The following MTUS1 variants were observed in gnomAD, a reference collection of about 807,000 sequenced individuals.
MTUS1 encodes microtubule-associated tumor suppressor 1.
MTUS1 carries 109 observed loss-of-function variants against 120.8 expected under a neutral mutation model. The ratio of observed to expected loss-of-function variants is 0.90; its 90% CI spans 0.77 to 1.06. The LOEUF is 1.06. Among genes scored for constraint, MTUS1 ranks in the 50% least tolerant of loss-of-function variants. The pLI, the probability that MTUS1 is intolerant of heterozygous loss-of-function variation, is 0.00. For missense variants in MTUS1, 2,210 were observed against 1,486.3 expected, an observed-to-expected ratio of 1.49 and a Z score of -8.01; for synonymous variants, 737 against 550.5, an observed-to-expected ratio of 1.34 and a Z score of -4.74.
rs1459748736 is a variant in MTUS1, at chr8:17,723,686, G to A, written c.2435C>T (p.Thr812Ile). ...AGTCGACTTACAATTGTTGCTGTAA[G>A]TGCTCAGCTCACTGTGGGTGCTGGC... is the stretch of plus-strand genomic sequence containing the variant. ...SIASTHSELSTYSNNSGNAAV... is the reference protein window; with the variant it reads ...SIASTHSELSIYSNNSGNAAV... Residue 812 changes from threonine to isoleucine, a missense_variant, in exon 4 of 15, where the codon ACT becomes ATT. By Grantham distance (89) the Thr-to-Ile change is moderately conservative. Transcript: ENST00000693296. 1 of 1,610,534 alleles carries A rather than the reference G, an allele frequency of 6.2e-7. No homozygotes were observed. The highest frequency in any genetic ancestry group is 8.5e-7 in the Non-Finnish European group (1 of 1,177,518).
chr8:17,726,657 T>C (rs2046248303), intron 3 of MTUS1, among the ~76,000 whole-genome samples: 1 of 152,226 alleles, frequency 6.6e-6, no homozygotes, highest in African/African-American at 2.4e-5. Context: ...TTACATCCTT[T>C]ACAATAATTA....
chr8:17,743,527 G>A (rs1044675472), intron 3 of MTUS1, 77 bp downstream of exon 3: 13 of 1,345,950 alleles, frequency 9.7e-6, no homozygotes, highest in Non-Finnish European at 7.2e-6. Flanking sequence ...AGTGACAGAA[G>A]GCATTAGACC....
intron 6 of MTUS1, among the ~76,000 whole-genome samples, chr8:17,686,507 T>C (rs1472902787): frequency 6.6e-6 from 1 of 152,176 alleles, no homozygotes; most frequent in African/African-American, 2.4e-5. Flanking sequence ...CTGATATCAT[T>C]TGTATATGTC....
intron 13 of MTUS1, among the ~76,000 whole-genome samples, chr8:17,648,526 G>C (rs999007859): frequency 6.6e-6 from 1 of 152,156 alleles, no homozygotes; most frequent in African/African-American, 2.4e-5. Flanking sequence ...AGACTCAGTC[G>C]AACAGGACGA....
chr8:17,780,454 G>C (rs1430301860), intron 1 of MTUS1, among the ~76,000 whole-genome samples: 2 of 152,150 alleles, frequency 1.3e-5, no homozygotes, highest in East Asian at 3.9e-4. Flanking sequence ...AGGGAACTCT[G>C]GGCTTCCAGA....
At chr8:17,781,535 T>C (rs185193922) in intron 1 of MTUS1, among the ~76,000 whole-genome samples, 5 of 152,230 alleles carry the variant, frequency 3.3e-5, no homozygotes, top group African/African-American at 1.2e-4. Flanking sequence ...TCTTACAAAT[T>C]AGAATTATCC....
At chr8:17,662,882 A>T (rs1220282935) in intron 8 of MTUS1, among the ~76,000 whole-genome samples, 4 of 151,600 alleles carry the variant, frequency 2.6e-5, no homozygotes, top group Non-Finnish European at 5.9e-5. Context: ...GGAGGAAGGG[A>T]GGGAAGGGGA....
chr8:17,699,523 C>T (rs1818622292), intron 6 of MTUS1, among the ~76,000 whole-genome samples: 1 of 152,050 alleles, frequency 6.6e-6, no homozygotes, highest in African/African-American at 2.4e-5. Context: ...CTTAAATTAT[C>T]CTTGTTAAAA....
At chr8:17,766,327 T>C (rs1490188555) in intron 1 of MTUS1, among the ~76,000 whole-genome samples, 1 of 152,234 alleles carries the variant, frequency 6.6e-6, no homozygotes, top group Non-Finnish European at 1.5e-5. Flanking sequence ...TCATCCTTAA[T>C]GAGAATGAGA....
intron 1 of MTUS1, among the ~76,000 whole-genome samples, chr8:17,790,209 A>G (rs553851303): frequency 6.6e-6 from 1 of 152,172 alleles, no homozygotes; most frequent in African/African-American, 2.4e-5. Flanking sequence ...TTAGCCAGAC[A>G]TGATGGCACA....
At chr8:17,796,604 A>G (rs79496065) in intron 1 of MTUS1, among the ~76,000 whole-genome samples, 3,214 of 152,268 alleles carry the variant, frequency 0.021, 93 homozygotes, top group Admixed American at 0.059. Flanking sequence ...CATGGCAAAG[A>G]GCCCCCAAAT....
chr8:17,775,091 TG>T (rs968714361), intron 1 of MTUS1, among the ~76,000 whole-genome samples: 11 of 151,054 alleles, frequency 7.3e-5, no homozygotes, highest in Admixed American at 7.3e-4. Flanking sequence ...TACCAGGGGC[TG>T]GGGCAGGGGA....
At chr8:17,696,561 A>G (rs909447923) in intron 6 of MTUS1, among the ~76,000 whole-genome samples, 1 of 152,232 alleles carries the variant, frequency 6.6e-6, no homozygotes, top group African/African-American at 2.4e-5. Context: ...AAAAGTAGCA[A>G]CATAGGCCAA....
chr8:17,801,408 C>T (rs900446015), upstream of MTUS1: 2 of 151,776 alleles, frequency 1.3e-5, no homozygotes, highest in African/African-American at 4.8e-5. Context: ...CAAGGCCAGC[C>T]GCCGTCCCAG....
At position 17,647,043 on chromosome 8, in the gene MTUS1, G is replaced by A. The variant is rs1278230553; in HGVS notation, c.3538C>T (p.Arg1180Cys). The change falls in exon 14 of 15, where the codon CGT (arginine) becomes TGT (cysteine). Residue 1180 changes from arginine (R) to cysteine (C), a missense_variant. By Grantham distance (180) the Arg-to-Cys change is radical (BLOSUM62 -3). Transcript: ENST00000693296. The stretch of plus-strand genomic sequence containing the variant: ...AATTCTTCATTCTCCTGCTGGAAAC[G>A]CTTCAATTTGTCAACCAATGCTGTG... The part of the protein sequence containing the change: ...NNTALVDKLK[R>C]FQQENEELKA... The A allele has an allele frequency of 7.4e-6, 12 of 1,613,620 alleles. No individual in the cohort carries two copies. Among genetic ancestry groups the A allele is most frequent in the Admixed American group, 1.7e-5 (1 of 59,950 alleles).
intron 5 of MTUS1, among the ~76,000 whole-genome samples, chr8:17,714,832 TCTCA>T (rs1034295206): frequency 6.6e-6 from 1 of 151,564 alleles, no homozygotes; most frequent in Admixed American, 6.6e-5. Context: ...AGGTCAAGTT[TCTCA>T]CTCACAATTA....
At chr8:17,694,780 A>G (rs909691349) in intron 6 of MTUS1, among the ~76,000 whole-genome samples, 1 of 152,186 alleles carries the variant, frequency 6.6e-6, no homozygotes, top group Non-Finnish European at 1.5e-5. Context: ...TTAGGAGGTA[A>G]AAAAATAAGG....
chr8:17,741,830 G>T (rs1261737649), intron 3 of MTUS1, among the ~76,000 whole-genome samples: 1 of 152,170 alleles, frequency 6.6e-6, no homozygotes, highest in Non-Finnish European at 1.5e-5. Flanking sequence ...AAAGGTAAGG[G>T]CTGTAAAAGC....
Position 17,755,673 on chromosome 8 carries a change from G to A in MTUS1, c.135C>T (p.Asn45=). Residue 45 remains asparagine, a synonymous_variant, in exon 2 of 15, where the codon AAC becomes AAT. Transcript: ENST00000693296. ...TGTCATCTGGGTTGGCAGAATTCCAGTTCACACTGCTGGCTGAAGAGTTTT... is the reference window on the plus strand; with the variant it reads ...TGTCATCTGGGTTGGCAGAATTCCAATTCACACTGCTGGCTGAAGAGTTTT... ...PTQNSSASSV[N]WNSANPDDMV... 1 of 1,614,234 alleles carries A rather than the reference G, an allele frequency of 6.2e-7. No individual in the cohort carries two copies. The highest frequency in any genetic ancestry group is 8.5e-7 in the Non-Finnish European group (1 of 1,180,040).
Sources: gnomAD v4.1 joint callset for allele counts (sites outside exome capture counted in the v4.1 genomes callset) on GRCh38, gnomAD v4.1.1 for gene constraint, MANE v1.5 for transcripts, NCBI Gene and HGNC (gene_info 2026-07-23, HGNC 2026-07-21) for gene names.